Variants in WDFY3 observed in about 807,000 individuals in gnomAD.
WDFY3 encodes WD repeat and FYVE domain-containing protein 3.
A neutral mutation model predicts 409.6 loss-of-function variants in WDFY3; 66 were observed. The ratio of observed to expected loss-of-function variants is 0.16; its 90% CI spans 0.13 to 0.20. WDFY3 has a LOEUF of 0.20. WDFY3 is among the 10% of genes least tolerant of loss of function. The pLI is 1.00. For missense variants in WDFY3, 3,031 were observed against 4,298.1 expected (o/e 0.71, Z 8.24); for synonymous variants, 1,521 against 1,537.1 (o/e 0.99, Z 0.25).
At chr4:84,787,401 A>G in intron 23 of WDFY3, 81 bp downstream of exon 23, 2 of 1,354,356 alleles carry the variant, frequency 1.5e-6, no homozygotes, top group Non-Finnish European at 2.1e-6. Context: ...AACAATATGT[A>G]TAACCTCAGA....
At chr4:84,879,157 G>T (rs1763163803) in intron 3 of WDFY3, among the ~76,000 whole-genome samples, 1 of 152,024 alleles carries the variant, frequency 6.6e-6, no homozygotes, top group Non-Finnish European at 1.5e-5. Context: ...TTCTGCCCTA[G>T]CCCTCCCCTC....
intron 25 of WDFY3, among the ~76,000 whole-genome samples, chr4:84,780,727 G>A (rs1192628359): frequency 6.6e-5 from 10 of 151,928 alleles, no homozygotes; most frequent in Admixed American, 3.3e-4. Context: ...TCGCGCCACC[G>A]CACTCCAGCC....
At chr4:84,824,262 G>C (rs1204547848) in intron 10 of WDFY3, among the ~76,000 whole-genome samples, 2 of 152,134 alleles carry the variant, frequency 1.3e-5, no homozygotes, top group Admixed American at 1.3e-4. Context: ...TTAAGAGAGA[G>C]CACACATTTA....
chr4:84,902,405 C>T (rs1371303262), intron 2 of WDFY3, among the ~76,000 whole-genome samples: 1 of 151,876 alleles, frequency 6.6e-6, no homozygotes, highest in East Asian at 1.9e-4. Flanking sequence ...TTTTAAAACC[C>T]AATATGAAAA....
rs976664186 is a variant in WDFY3 at position 84,904,851 on chromosome 4, G to T, written c.-131-7841C>A. 2.0e-5 allele frequency among the ~76,000 whole-genome samples: 3 copies of T among 152,200 alleles called. No individual in the cohort carries two copies. In the East Asian group the frequency reaches 5.8e-4, roughly 29 times the overall value. ...TTGGTCACTTACAGATGTCACAAAA[G>T]TAACAAGTTCAAAAATAAGGCTCAC... On this transcript the variant is annotated intron_variant, in intron 2 of 67. Transcript: ENST00000295888.
At chr4:84,941,970 AAAATAAAT>A (rs767767177) in intron 1 of WDFY3, among the ~76,000 whole-genome samples, 2 of 151,956 alleles carry the variant, frequency 1.3e-5, no homozygotes, top group South Asian at 4.1e-4. Flanking sequence ...CCACAACCCA[AAAATAAAT>A]AAATAAATAA....
chr4:84,860,343 C>T, intron 4 of WDFY3, 69 bp downstream of exon 4: 1 of 1,501,110 alleles, frequency 6.7e-7, no homozygotes, highest in Non-Finnish European at 9.0e-7. Flanking sequence ...CTATGGCTTA[C>T]CAGTAACCTT....
chr4:84,956,408 T>C (rs7699226), intron 1 of WDFY3, among the ~76,000 whole-genome samples: 74,170 of 151,988 alleles, frequency 0.49, 21,066 homozygotes, highest in African/African-American at 0.8. Flanking sequence ...GACAGGCTAG[T>C]GGTCCTACCC....
rs180969646 is a variant in WDFY3, at chr4:84,787,866, G to A, written c.3670-153C>T. ...TGGAGAAACAGGAAGGGCAAGGCAC[G>A]ATACTGGGATCTGTAACTGAGGACC... On this transcript the variant is annotated intron_variant, in intron 22 of 67. Coordinates refer to ENST00000295888, the MANE Select transcript of WDFY3 (RefSeq NM_014991.6). Among the ~76,000 whole-genome samples, 20 of 152,294 alleles carry A rather than the reference G, an allele frequency of 1.3e-4. 1 individual carries two copies. The East Asian group carries it at 3.3e-3, about 25-fold the overall frequency.
chr4:84,926,477 C>T (rs1010974928), intron 2 of WDFY3, among the ~76,000 whole-genome samples: 3 of 151,952 alleles, frequency 2.0e-5, no homozygotes, highest in African/African-American at 7.2e-5. Flanking sequence ...ACTTTTTATA[C>T]TTTGTAATTT....
chr4:84,924,680 C>A (rs571380982), intron 2 of WDFY3, among the ~76,000 whole-genome samples: 3 of 152,206 alleles, frequency 2.0e-5, no homozygotes, highest in African/African-American at 7.2e-5. Context: ...GCTCTTTCAC[C>A]TACACATTGT....
intron 17 of WDFY3, among the ~76,000 whole-genome samples, chr4:84,799,758 G>C (rs1354294235): frequency 6.6e-6 from 1 of 152,062 alleles, no homozygotes; most frequent in Non-Finnish European, 1.5e-5. Context: ...TACAAGTTAG[G>C]TTTGCCAGTT....
At position 84,841,249 on chromosome 4, in the gene WDFY3, C is replaced by T; in HGVS notation, c.319G>A (p.Ala107Thr). 1 of 1,612,522 alleles carries T rather than the reference C, an allele frequency of 6.2e-7. No individual in the cohort carries two copies. Among genetic ancestry groups the T allele is most frequent in the Non-Finnish European group, 8.5e-7 (1 of 1,179,708 alleles). Residue 107 changes from alanine (A) to threonine (T), a missense_variant, in exon 6 of 68, where the codon GCC becomes ACC. By Grantham distance (58) the Ala-to-Thr change is moderately conservative. Transcript: ENST00000295888. ...TTAATCTCTAGGAACTGAACTATGG[C>T]CCGACTTGCAGCCTCTATAAAACCA... ...SNKSTEAASR[A>T]IVQFLEINQS...
intron 13 of WDFY3, among the ~76,000 whole-genome samples, chr4:84,815,978 T>C (rs1456751732): frequency 1.3e-5 from 2 of 152,134 alleles, no homozygotes; most frequent in Non-Finnish European, 2.9e-5. Flanking sequence ...GTGATTTTCT[T>C]TGACTTTTGA....
chr4:84,828,661 G>T (rs1402515387), intron 9 of WDFY3, among the ~76,000 whole-genome samples: 3 of 152,118 alleles, frequency 2.0e-5, no homozygotes, highest in Non-Finnish European at 4.4e-5. Flanking sequence ...TCAGAACTTT[G>T]GGAGGCCAAA....
At chr4:84,741,648 T>C (rs1002024546) in intron 38 of WDFY3, 113 bp downstream of exon 38, 10 of 1,234,572 alleles carry the variant, frequency 8.1e-6, no homozygotes, top group Non-Finnish European at 1.1e-5. Context: ...CTTAGCTTTT[T>C]CTTAAATGTT....
At chr4:84,927,467 A>C (rs1770151884) in intron 2 of WDFY3, among the ~76,000 whole-genome samples, 1 of 152,176 alleles carries the variant, frequency 6.6e-6, no homozygotes, top group South Asian at 2.1e-4. Flanking sequence ...TCCAAATATG[A>C]TGGTGGTTGA....
At chr4:84,755,521 A>G in intron 33 of WDFY3, 121 bp from the exon 34 acceptor site, 2 of 1,128,080 alleles carry the variant, frequency 1.8e-6, no homozygotes, top group Non-Finnish European at 2.5e-6. Flanking sequence ...AAAGTAACCA[A>G]TGATATAGAC....
At chr4:84,923,471 T>C (rs769179067) in intron 2 of WDFY3, among the ~76,000 whole-genome samples, 1 of 152,190 alleles carries the variant, frequency 6.6e-6, no homozygotes, top group African/African-American at 2.4e-5. Context: ...TCTTTGGGTC[T>C]TCATTTCTTT....
Sources: allele counts gnomAD v4.1 joint callset (sites outside exome capture counted in the v4.1 genomes callset), GRCh38; gene constraint gnomAD v4.1.1; transcripts MANE v1.5; gene names NCBI Gene and HGNC (gene_info 2026-07-23, HGNC 2026-07-21).